The following CAMK4 variants were observed in gnomAD, a reference collection of about 807,000 sequenced individuals.
The protein encoded by CAMK4 is calcium/calmodulin dependent protein kinase IV.
CAMK4 carries 22 observed loss-of-function variants against 44.9 expected under a neutral mutation model. The ratio of observed to expected loss-of-function variants is 0.49; its 90% CI spans 0.35 to 0.70. The LOEUF is 0.70. Ranked by LOEUF, CAMK4 falls within the 30% of genes least tolerant of loss-of-function variation. The probability of loss-of-function intolerance (pLI) is 0.01; values close to 1 mark genes in which losing one functional copy is unlikely to be tolerated. For missense variants in CAMK4, 498 were observed against 586.8 expected, an observed-to-expected ratio of 0.85 and a Z score of 1.56; for synonymous variants, 218 against 215.4, an observed-to-expected ratio of 1.01 and a Z score of -0.11.
At chr5:111,255,403 A>T (rs1195717384) in intron 1 of CAMK4, among the ~76,000 whole-genome samples, 2 of 152,180 alleles carry the variant, frequency 1.3e-5, no homozygotes, top group Non-Finnish European at 2.9e-5. Context: ...GTTTTCTTGG[A>T]TTCATGCCCA....
intron 1 of CAMK4, among the ~76,000 whole-genome samples, chr5:111,261,228 A>G (rs527760899): frequency 6.6e-6 from 1 of 152,324 alleles, no homozygotes; most frequent in East Asian, 1.9e-4. Context: ...CATTGATAAC[A>G]TTACATTATT....
chr5:111,414,544 C>G (rs80238936), intron 5 of CAMK4, among the ~76,000 whole-genome samples: 2 of 152,052 alleles, frequency 1.3e-5, no homozygotes, highest in Non-Finnish European at 2.9e-5. Flanking sequence ...TTTTGCTAGC[C>G]TGATTCAGGG....
At chr5:111,260,779 C>T (rs1275258886) in intron 1 of CAMK4, among the ~76,000 whole-genome samples, 2 of 152,100 alleles carry the variant, frequency 1.3e-5, no homozygotes, top group Non-Finnish European at 2.9e-5. Context: ...TTATCTATAC[C>T]CCTACTGCTG....
intron 1 of CAMK4, among the ~76,000 whole-genome samples, chr5:111,254,398 T>C (rs1458587625): frequency 6.6e-6 from 1 of 152,236 alleles, no homozygotes; most frequent in African/African-American, 2.4e-5. Context: ...CCCAGATGTC[T>C]GCACAGAATC....
At chr5:111,293,433 C>T (rs1336188316) in intron 1 of CAMK4, among the ~76,000 whole-genome samples, 1 of 146,668 alleles carries the variant, frequency 6.8e-6, no homozygotes, top group Non-Finnish European at 1.5e-5. Context: ...CGGTGGTCTA[C>T]TTTTTTTTTT....
chr5:111,477,205 A>G (rs1045897428), intron 8 of CAMK4, among the ~76,000 whole-genome samples: 1 of 152,170 alleles, frequency 6.6e-6, no homozygotes, highest in Non-Finnish European at 1.5e-5. Flanking sequence ...AAGGGAGAAC[A>G]CATTGGCCCA....
chr5:111,391,390 A>G (rs1216794228), intron 4 of CAMK4, among the ~76,000 whole-genome samples: 1 of 152,168 alleles, frequency 6.6e-6, no homozygotes, highest in Non-Finnish European at 1.5e-5. Flanking sequence ...ACGGCAACAG[A>G]AAAGTATCTG....
intron 1 of CAMK4, among the ~76,000 whole-genome samples, chr5:111,268,501 A>G (rs1750360461): frequency 6.6e-6 from 1 of 152,228 alleles, no homozygotes; most frequent in African/African-American, 2.4e-5. Flanking sequence ...CCACTTAGTT[A>G]TATGTGTAAA....
At chr5:111,479,864 A>G (rs945753818) in intron 9 of CAMK4, among the ~76,000 whole-genome samples, 1 of 151,902 alleles carries the variant, frequency 6.6e-6, no homozygotes, top group Non-Finnish European at 1.5e-5. Context: ...TCTTGAATCC[A>G]TCCAGTTCTC....
intron 1 of CAMK4, among the ~76,000 whole-genome samples, chr5:111,240,254 C>G (rs1363869763): frequency 6.6e-6 from 1 of 151,544 alleles, no homozygotes; most frequent in East Asian, 1.9e-4. Context: ...CCCAGAATCA[C>G]TGCAACTTAC....
chr5:111,409,616 C>T (rs1752561134), intron 5 of CAMK4, among the ~76,000 whole-genome samples: 1 of 152,248 alleles, frequency 6.6e-6, no homozygotes, highest in Non-Finnish European at 1.5e-5. Context: ...GCTTGAATGT[C>T]TCCCCAGAAA....
At chr5:111,470,704 A>C (rs1755034347) in intron 7 of CAMK4, among the ~76,000 whole-genome samples, 2 of 152,254 alleles carry the variant, frequency 1.3e-5, no homozygotes, top group Non-Finnish European at 2.9e-5. Context: ...AAAAGAAGTC[A>C]GAAGGAACCA....
intron 6 of CAMK4, 64 bp downstream of exon 6, chr5:111,446,840 G>A: frequency 3.1e-6 from 3 of 953,582 alleles, no homozygotes; most frequent in Non-Finnish European, 5.2e-6. Flanking sequence ...TTACTGTGTG[G>A]AATTTTTAAA....
At chr5:111,415,269 C>G (rs1343181571) in intron 5 of CAMK4, among the ~76,000 whole-genome samples, 1 of 152,228 alleles carries the variant, frequency 6.6e-6, no homozygotes, top group Non-Finnish European at 1.5e-5. Context: ...CTCTGTCCAG[C>G]ATATCCATGC....
At chr5:111,380,348 A>G (rs1751367800) in intron 4 of CAMK4, among the ~76,000 whole-genome samples, 1 of 150,578 alleles carries the variant, frequency 6.6e-6, no homozygotes, top group Non-Finnish European at 1.5e-5. Flanking sequence ...TTTCCTAAAG[A>G]ATTTTATTTT....
At chr5:111,226,302 A>G (rs79427995) in intron 1 of CAMK4, among the ~76,000 whole-genome samples, 3,374 of 152,316 alleles carry the variant, frequency 0.022, 132 homozygotes, top group African/African-American at 0.078. Flanking sequence ...GTATACCCCT[A>G]TGAGATGGTA....
intron 5 of CAMK4, among the ~76,000 whole-genome samples, chr5:111,430,396 C>A (rs1182802289): frequency 2.6e-5 from 4 of 152,172 alleles, no homozygotes; most frequent in African/African-American, 9.7e-5. Context: ...TCTCTAAGAT[C>A]TGTAACTCAA....
intron 9 of CAMK4, chr5:111,481,922 G>T (rs974304404): frequency 6.6e-6 from 1 of 152,208 alleles, no homozygotes; most frequent in Non-Finnish European, 1.5e-5. Flanking sequence ...ATAAGATTCT[G>T]TAAGGAAAGA....
rs148701348 is a variant in CAMK4 at position 111,490,967 on chromosome 5, T to C, written c.*6501T>C. 1 of 152,344 alleles carries C rather than the reference T, an allele frequency of 6.6e-6. No individual in the cohort carries two copies. 9.4% of individuals were successfully genotyped at this position (152,344 alleles called of 1,614,324 possible). A position where few individuals can be genotyped will look rare whatever the true frequency, so the allele number is the denominator to read the frequency against. On this transcript the variant is annotated 3_prime_UTR_variant, in exon 11 of 11. Transcript: ENST00000282356. ...GAGTTGGGGTTTAGGTGATTTCTTA[T>C]GCCCAATGAACTAAAGGTATCAGTA...
Sources: allele counts gnomAD v4.1 joint callset (sites outside exome capture counted in the v4.1 genomes callset), GRCh38; gene constraint gnomAD v4.1.1; transcripts MANE v1.5; gene names NCBI Gene and HGNC (gene_info 2026-07-23, HGNC 2026-07-21).